Variants in PPARGC1A observed in about 807,000 individuals in gnomAD.
PPARGC1A encodes peroxisome proliferator-activated receptor gamma coactivator 1-alpha.
PPARGC1A carries 25 observed loss-of-function variants against 88.7 expected under a neutral mutation model. The observed-to-expected ratio is 0.28, with a 90% CI of 0.21 to 0.39. The LOEUF is 0.39. Among genes scored for constraint, PPARGC1A ranks in the 10% least tolerant of loss-of-function variants. The probability of loss-of-function intolerance (pLI) is 1.00; values close to 1 mark genes in which losing one functional copy is unlikely to be tolerated. For synonymous variants in PPARGC1A, 363 were observed against 355.6 expected, an observed-to-expected ratio of 1.02 and a Z score of -0.24; for missense variants, 880 against 968.7, an observed-to-expected ratio of 0.91 and a Z score of 1.22.
the PPARGC1A span, among the ~76,000 whole-genome samples, chr4:24,110,562 G>C: frequency 6.6e-6 from 1 of 152,178 alleles, no homozygotes; most frequent in African/African-American, 2.4e-5. Context: ...AGCCAAATAG[G>C]CATCTGGGGA....
At chr4:24,214,295 G>A in the PPARGC1A span, among the ~76,000 whole-genome samples, 1 of 152,120 alleles carries the variant, frequency 6.6e-6, no homozygotes, top group Admixed American at 6.5e-5. Flanking sequence ...ACTACAGACT[G>A]GTAAAACAAA....
At chr4:23,892,438 G>A (rs1002562250), upstream of PPARGC1A, among the ~76,000 whole-genome samples, 5 of 10,300 alleles carry the variant, frequency 4.9e-4, no homozygotes, top group Admixed American at 3.9e-3. Flanking sequence ...TGCTTTCCAC[G>A]ATATTTTTTT....
At chr4:23,877,889 G>A (rs1715128962) in intron 2 of PPARGC1A, 3 of 152,246 alleles carry the variant, frequency 2.0e-5, no homozygotes, top group Admixed American at 2.0e-4. Flanking sequence ...AGTGGGGCAT[G>A]GACAAATAAA....
upstream of PPARGC1A, among the ~76,000 whole-genome samples, chr4:23,894,044 G>T (rs1019188607): frequency 1.3e-5 from 2 of 152,182 alleles, no homozygotes; most frequent in South Asian, 2.1e-4. Context: ...CATGCAAATC[G>T]CTGAAAGCCT....
At chr4:24,287,251 G>A in the PPARGC1A span, among the ~76,000 whole-genome samples, 2 of 151,710 alleles carry the variant, frequency 1.3e-5, no homozygotes, top group African/African-American at 4.8e-5. Flanking sequence ...GTCCTACAGG[G>A]ACAAATCATT....
chr4:24,034,367 C>G, the PPARGC1A span, among the ~76,000 whole-genome samples: 1 of 152,234 alleles, frequency 6.6e-6, no homozygotes, highest in East Asian at 1.9e-4. Flanking sequence ...GACCCTCATT[C>G]AAACAAACTA....
At chr4:24,266,291 G>A in the PPARGC1A span, among the ~76,000 whole-genome samples, 1 of 152,150 alleles carries the variant, frequency 6.6e-6, no homozygotes, top group South Asian at 2.1e-4. Context: ...TGACCCTAAG[G>A]TGTGCCGCTG....
the PPARGC1A span, among the ~76,000 whole-genome samples, chr4:24,156,194 A>G: frequency 6.6e-6 from 1 of 152,202 alleles, no homozygotes; most frequent in African/African-American, 2.4e-5. Context: ...CTCCTGGTTC[A>G]GTATGTATTT....
intron 2 of PPARGC1A, among the ~76,000 whole-genome samples, chr4:23,849,012 C>G (rs529919052): frequency 7.2e-5 from 11 of 152,066 alleles, no homozygotes; most frequent in African/African-American, 2.7e-4. Flanking sequence ...GGCGTGGTAG[C>G]GGGCGCCTGT....
At chr4:24,219,512 C>T in the PPARGC1A span, among the ~76,000 whole-genome samples, 1 of 152,194 alleles carries the variant, frequency 6.6e-6, no homozygotes, top group African/African-American at 2.4e-5. Context: ...ATGAGAGCCA[C>T]CATCAAGATA....
chr4:23,841,574 A>C (rs1312168015), intron 2 of PPARGC1A, among the ~76,000 whole-genome samples: 1 of 152,066 alleles, frequency 6.6e-6, no homozygotes, highest in African/African-American at 2.4e-5. Flanking sequence ...TAAGCAGCCA[A>C]ATTGAATCGT....
At chr4:24,347,832 A>AT in the PPARGC1A span, among the ~76,000 whole-genome samples, 62 of 150,440 alleles carry the variant, frequency 4.1e-4, no homozygotes, top group Non-Finnish European at 6.5e-4. Flanking sequence ...TTTTTTTGTT[A>AT]TTTTGTTTGT....
the PPARGC1A span, among the ~76,000 whole-genome samples, chr4:23,992,979 C>T: frequency 2.0e-5 from 3 of 152,190 alleles, no homozygotes; most frequent in East Asian, 1.9e-4. Context: ...AACTAAAATA[C>T]CGCTTATGTT....
At chr4:24,335,517 A>G in the PPARGC1A span, among the ~76,000 whole-genome samples, 1 of 152,198 alleles carries the variant, frequency 6.6e-6, no homozygotes, top group Non-Finnish European at 1.5e-5. Context: ...CCAGCCAACA[A>G]CCACTGTCAG....
chr4:24,463,990 T>G, the PPARGC1A span, among the ~76,000 whole-genome samples: 1 of 152,228 alleles, frequency 6.6e-6, no homozygotes, highest in Non-Finnish European at 1.5e-5. Context: ...TTTTATTCAA[T>G]TTGATATTTC....
the PPARGC1A span, among the ~76,000 whole-genome samples, chr4:24,415,867 T>C: frequency 6.6e-6 from 1 of 152,192 alleles, no homozygotes; most frequent in Admixed American, 6.5e-5. Context: ...ACACTTATAC[T>C]AAGGTTGAGG....
chr4:24,415,797 T>G, the PPARGC1A span, among the ~76,000 whole-genome samples: 1 of 152,228 alleles, frequency 6.6e-6, no homozygotes, highest in African/African-American at 2.4e-5. Flanking sequence ...TTATGTAAAA[T>G]GTTTTAAATC....
chr4:24,472,159 G>T, the PPARGC1A span, among the ~76,000 whole-genome samples: 1 of 152,196 alleles, frequency 6.6e-6, no homozygotes, highest in Admixed American at 6.5e-5. The surrounding 1 kb of genome is among the most constrained non-coding windows in gnomAD (Gnocchi z 4.5). Context: ...ATTGGGCACG[G>T]GAGGAACGCG....
the PPARGC1A span, among the ~76,000 whole-genome samples, chr4:24,138,122 G>C: frequency 6.6e-6 from 1 of 152,200 alleles, no homozygotes; most frequent in Non-Finnish European, 1.5e-5. Flanking sequence ...GTGCTCACCA[G>C]ATTAAACCAG....
Sources: allele counts gnomAD v4.1 joint callset (sites outside exome capture counted in the v4.1 genomes callset), GRCh38; gene constraint gnomAD v4.1.1; non-coding constraint Gnocchi (gnomAD v3.1); transcripts MANE v1.5; gene names NCBI Gene and HGNC (gene_info 2026-07-23, HGNC 2026-07-21).